VPS36: variants seen among roughly 807,000 people sequenced by gnomAD.
VPS36 encodes vacuolar protein sorting 36 homolog.
A neutral mutation model predicts 63.5 loss-of-function variants in VPS36; 31 were observed. That is an observed-to-expected ratio of 0.49 (90% CI 0.37 to 0.66). The LOEUF is 0.66. Ranked by LOEUF, VPS36 falls within the 30% of genes least tolerant of loss-of-function variation. The pLI, the probability that VPS36 is intolerant of heterozygous loss-of-function variation, is 0.00. For synonymous variants in VPS36, 138 were observed against 157.2 expected (o/e 0.88, Z 0.91); for missense variants, 338 against 463.7 (o/e 0.73, Z 2.49).
At chr13:52,442,542 T>C in intron 1 of VPS36, 97 bp from the exon 2 acceptor site, 1 of 1,010,652 alleles carries the variant, frequency 9.9e-7, no homozygotes, top group Non-Finnish European at 1.4e-6. Context: ...ATTAATCATA[T>C]AAACAAACAT....
chr13:52,446,258 T>A (rs1265469718), intron 1 of VPS36, among the ~76,000 whole-genome samples: 5 of 147,970 alleles, frequency 3.4e-5, no homozygotes, highest in African/African-American at 1.3e-4. Context: ...AGAGCGAGAT[T>A]CCGTCTGAAA....
chr13:52,417,233 CCA>C, intron 11 of VPS36, 92 bp from the exon 12 acceptor site: 1 of 1,074,634 alleles, frequency 9.3e-7, no homozygotes. Context: ...TCTTTTATGC[CCA>C]GATATGAGGG....
chr13:52,419,728 C>T lies in VPS36; in HGVS notation c.841-1672G>A, dbSNP rs977847133. Among the ~76,000 whole-genome samples the T allele has an allele frequency of 2.6e-5, 4 of 152,204 alleles. No homozygotes were observed. In the East Asian group the frequency reaches 5.8e-4, roughly 22 times the overall value. On this transcript the variant is annotated intron_variant, in intron 10 of 13. Transcript: ENST00000378060. The stretch of plus-strand genomic sequence containing the variant: ...TTGCAGCACTATTCACAACAGTCAA[C>T]ATCATTTGCAACAACATGGATAGAA...
In VPS36 at chr13:52,415,934, AC is replaced by A; in HGVS notation, c.1068-12del. ...TCTGCAAGCAGCAACCTAAAAAAAA[AC>A]AACAAAAAAACCCCCACACAATTAT... On this transcript the variant is annotated splice_polypyrimidine_tract_variant and intron_variant, in intron 13 of 13. Transcript: ENST00000378060. 1 of 1,613,300 alleles carries A rather than the reference AC, an allele frequency of 6.2e-7. No individual in the cohort carries two copies. Among genetic ancestry groups the A allele is most frequent in the East Asian group, 2.2e-5 (1 of 44,864 alleles).
chr13:52,420,782 T>C (rs1958038158), intron 10 of VPS36, among the ~76,000 whole-genome samples: 1 of 152,088 alleles, frequency 6.6e-6, no homozygotes, highest in African/African-American at 2.4e-5. Flanking sequence ...ATGTACCCCA[T>C]AAATACGTAC....
chr13:52,449,996 T>A (rs1958384800), intron 1 of VPS36: 1 of 985,690 alleles, frequency 1.0e-6, no homozygotes, highest in Non-Finnish European at 1.2e-6. Context: ...TCCCTCCGAC[T>A]GCATAAGGTC....
At chr13:52,450,164 C>T in intron 1 of VPS36, 1 of 1,010,296 alleles carries the variant, frequency 9.9e-7, no homozygotes, top group Non-Finnish European at 1.2e-6. Context: ...CGCCCGGCGC[C>T]CGCAGACGGC....
chr13:52,436,218 A>AACACACACACACACACACACAC (rs150816705), intron 4 of VPS36, 72 bp downstream of exon 4: 83 of 644,032 alleles, frequency 1.3e-4, no homozygotes, highest in African/African-American at 4.9e-4. Context: ...AACAAGCCAC[A>AACACACACACACACACACACAC]ACACACACAC....
chr13:52,444,829 C>T (rs1958321683), intron 1 of VPS36, among the ~76,000 whole-genome samples: 1 of 151,872 alleles, frequency 6.6e-6, no homozygotes, highest in Non-Finnish European at 1.5e-5. Context: ...TGTTACATGT[C>T]TAATAAATAA....
chr13:52,424,044 G>C (rs1452865359), intron 9 of VPS36, among the ~76,000 whole-genome samples: 1 of 151,906 alleles, frequency 6.6e-6, no homozygotes, highest in Non-Finnish European at 1.5e-5. Context: ...ATTTTTAGTA[G>C]GGACAGGGTT....
Position 52,440,355 on chromosome 13 carries a change from G to A in VPS36, c.166-1187C>T, listed in dbSNP as rs147713689. Among the ~76,000 whole-genome samples, 866 of 151,702 alleles carry A rather than the reference G, an allele frequency of 5.7e-3. 4 individuals carry two copies. Among genetic ancestry groups the A allele is most frequent in the African/African-American group, 0.02 (834 of 41,342 alleles). Reference sequence around the variant, plus strand: ...TTTGCCCAGGCTGGAGTGCAATGGCGCAATCTTGGCTCATCACAACCTCTG... The same window carrying A: ...TTTGCCCAGGCTGGAGTGCAATGGCACAATCTTGGCTCATCACAACCTCTG... On this transcript the variant is annotated intron_variant, in intron 2 of 13. Transcript: ENST00000378060.
At chr13:52,420,904 T>C (rs2137774896) in intron 10 of VPS36, among the ~76,000 whole-genome samples, 1 of 152,288 alleles carries the variant, frequency 6.6e-6, no homozygotes, top group East Asian at 1.9e-4. Context: ...GTAGATCACC[T>C]TAGGTCAGGA....
chr13:52,442,523 C>T, intron 1 of VPS36, 78 bp from the exon 2 acceptor site: 5 of 1,220,014 alleles, frequency 4.1e-6, no homozygotes, highest in Non-Finnish European at 5.8e-6. Context: ...ATGAATTATA[C>T]CACACTAAAT....
intron 6 of VPS36, among the ~76,000 whole-genome samples, chr13:52,432,684 G>A (rs900930226): frequency 6.6e-6 from 1 of 152,092 alleles, no homozygotes; most frequent in Non-Finnish European, 1.5e-5. Context: ...TTTGCCAAAC[G>A]GACAGAACAT....
rs889848754 is a variant in VPS36 at position 52,414,795 on chromosome 13, C to A, written c.*1035G>T. 1 of 152,182 alleles carries A rather than the reference C, an allele frequency of 6.6e-6. No homozygotes were observed. The highest frequency in any genetic ancestry group is 1.5e-5 in the Non-Finnish European group (1 of 68,052). The allele number at this position is 152,182 out of a possible 1,614,324, so 9.4% of individuals were successfully genotyped here. On this transcript the variant is annotated 3_prime_UTR_variant, in exon 14 of 14. Transcript: ENST00000378060. Reference sequence around the variant, plus strand: ...AATGCGAACATACTGGAGGCTGTAGCAATAACATGTGAAGTCAGGCAGTCA... The same window carrying A: ...AATGCGAACATACTGGAGGCTGTAGAAATAACATGTGAAGTCAGGCAGTCA...
intron 6 of VPS36, among the ~76,000 whole-genome samples, chr13:52,430,514 C>G (rs1307192953): frequency 6.6e-6 from 1 of 151,990 alleles, no homozygotes; most frequent in Non-Finnish European, 1.5e-5. Context: ...CACCTGTAGT[C>G]CCAGCTACTT....
At chr13:52,434,597 T>C (rs1238882382) in intron 5 of VPS36, among the ~76,000 whole-genome samples, 196 bp downstream of exon 5, 1 of 152,126 alleles carries the variant, frequency 6.6e-6, no homozygotes, top group Admixed American at 6.5e-5. Context: ...GACCTCATGA[T>C]CCACCCCGCC....
intron 1 of VPS36, among the ~76,000 whole-genome samples, chr13:52,448,675 T>C (rs1958369346): frequency 6.6e-6 from 1 of 152,270 alleles, no homozygotes; most frequent in African/African-American, 2.4e-5. Flanking sequence ...GTATCTTTCA[T>C]ATAAAACTAC....
At chr13:52,442,311 A>T in intron 2 of VPS36, 66 bp downstream of exon 2, 1 of 1,446,062 alleles carries the variant, frequency 6.9e-7, no homozygotes, top group Non-Finnish European at 9.4e-7. Flanking sequence ...ATACAGCGAG[A>T]CCCTGTCTCT....
Sources: gnomAD v4.1 joint callset for allele counts (sites outside exome capture counted in the v4.1 genomes callset) on GRCh38, gnomAD v4.1.1 for gene constraint, MANE v1.5 for transcripts, NCBI Gene and HGNC (gene_info 2026-07-23, HGNC 2026-07-21) for gene names.